The following NLGN1 variants were observed in gnomAD, a reference collection of about 807,000 sequenced individuals.
The protein encoded by NLGN1 is neuroligin-1.
Under a neutral mutation model 65.5 loss-of-function variants are expected in NLGN1, and 12 were observed. The observed-to-expected ratio is 0.18, with a 90% CI of 0.12 to 0.30. The LOEUF is 0.30. Ranked by LOEUF, NLGN1 falls within the 10% of genes least tolerant of loss-of-function variation. The pLI, the probability that NLGN1 is intolerant of heterozygous loss-of-function variation, is 1.00. For missense variants in NLGN1, 750 were observed against 1,007.1 expected (o/e 0.74, Z 3.46); for synonymous variants, 350 against 359.5 (o/e 0.97, Z 0.30).
chr3:173,545,384 T>G (rs1216587932), intron 2 of NLGN1, among the ~76,000 whole-genome samples: 1 of 151,906 alleles, frequency 6.6e-6, no homozygotes, highest in South Asian at 2.1e-4. Context: ...CTCGGTAAAG[T>G]TTTTATTATC....
At chr3:174,265,783 G>A (rs2861728) in intron 4 of NLGN1, among the ~76,000 whole-genome samples, 36,800 of 126,930 alleles carry the variant, frequency 0.29, 5,230 homozygotes, top group Middle Eastern at 0.34. Context: ...ATATATATAT[G>A]TATATATATA....
intron 4 of NLGN1, among the ~76,000 whole-genome samples, chr3:174,073,287 A>G (rs1355056336): frequency 1.3e-5 from 2 of 152,114 alleles, no homozygotes; most frequent in East Asian, 1.9e-4. Flanking sequence ...TTTGTGTACA[A>G]CTTCTACAAG....
intron 4 of NLGN1, among the ~76,000 whole-genome samples, chr3:174,121,895 T>TA (rs1192720992): frequency 6.6e-6 from 1 of 152,200 alleles, no homozygotes; most frequent in Admixed American, 6.5e-5. Context: ...AGCATATAAA[T>TA]ATGAGAAACT....
At chr3:173,807,395 A>G (rs1051516447) in intron 3 of NLGN1, among the ~76,000 whole-genome samples, 3 of 152,152 alleles carry the variant, frequency 2.0e-5, no homozygotes, top group Admixed American at 6.6e-5. Flanking sequence ...CACTTGAGGA[A>G]TTAATCAAAA....
intron 4 of NLGN1, among the ~76,000 whole-genome samples, chr3:174,167,127 T>C (rs551082155): frequency 1.4e-4 from 21 of 152,096 alleles, no homozygotes; most frequent in African/African-American, 4.8e-4. Context: ...AGTCTTGTTA[T>C]TTTATCCAAC....
chr3:174,191,244 T>A (rs1254438180), intron 4 of NLGN1, among the ~76,000 whole-genome samples: 1 of 152,080 alleles, frequency 6.6e-6, no homozygotes, highest in Non-Finnish European at 1.5e-5. Flanking sequence ...TGTGTAGTGA[T>A]CTCCCTAACA....
chr3:174,041,238 T>A (rs780821364), intron 4 of NLGN1, among the ~76,000 whole-genome samples: 3 of 152,158 alleles, frequency 2.0e-5, no homozygotes, highest in Non-Finnish European at 4.4e-5. Flanking sequence ...AATTAAATAG[T>A]GTGCACTTCT....
At chr3:173,988,541 A>G (rs1234793103) in intron 4 of NLGN1, among the ~76,000 whole-genome samples, 1 of 152,170 alleles carries the variant, frequency 6.6e-6, no homozygotes, top group Non-Finnish European at 1.5e-5. Context: ...AACAGGAAGA[A>G]TAGGGTGGCA....
At chr3:174,006,176 C>T (rs2152433980) in intron 4 of NLGN1, among the ~76,000 whole-genome samples, 1 of 152,258 alleles carries the variant, frequency 6.6e-6, no homozygotes. Flanking sequence ...TGTAAAAACT[C>T]CCTTCTCCAA....
intron 3 of NLGN1, among the ~76,000 whole-genome samples, chr3:173,762,963 G>GAT (rs1553841335): frequency 2.1e-4 from 12 of 57,388 alleles, no homozygotes; most frequent in Admixed American, 6.7e-4. Context: ...ATTTGTCTCT[G>GAT]ATACACACAC....
At chr3:173,833,789 C>T (rs988983809) in intron 4 of NLGN1, among the ~76,000 whole-genome samples, 4 of 152,188 alleles carry the variant, frequency 2.6e-5, no homozygotes, top group African/African-American at 9.7e-5. Flanking sequence ...GCATGAGCCA[C>T]CGCACCTGGC....
At chr3:173,744,744 C>G (rs1775114986) in intron 3 of NLGN1, among the ~76,000 whole-genome samples, 4 of 152,044 alleles carry the variant, frequency 2.6e-5, no homozygotes, top group African/African-American at 7.2e-5. Flanking sequence ...CCTTATCTTT[C>G]CTTCTCCCTT....
chr3:174,180,997 G>T (rs1379481800), intron 4 of NLGN1: 2 of 152,058 alleles, frequency 1.3e-5, no homozygotes, highest in African/African-American at 4.8e-5. Flanking sequence ...ATGTAAATTT[G>T]ATTTACATCA....
At chr3:173,989,648 G>T (rs914105507) in intron 4 of NLGN1, among the ~76,000 whole-genome samples, 7 of 152,104 alleles carry the variant, frequency 4.6e-5, no homozygotes, top group Non-Finnish European at 5.9e-5. Flanking sequence ...ATTCACAGTG[G>T]CTTAAACTAA....
chr3:173,895,113 G>A (rs1736113147), intron 4 of NLGN1, among the ~76,000 whole-genome samples: 1 of 152,012 alleles, frequency 6.6e-6, no homozygotes, highest in African/African-American at 2.4e-5. Flanking sequence ...TCAGTTTCTT[G>A]TAGTTGTACT....
intron 4 of NLGN1, among the ~76,000 whole-genome samples, chr3:174,238,607 A>G (rs1742188916): frequency 6.6e-5 from 10 of 152,000 alleles, no homozygotes; most frequent in Admixed American, 6.6e-4. Context: ...TGATCCGCCC[A>G]CCTTGGCCTC....
chr3:174,146,570 CTTT>C (rs879300938), intron 4 of NLGN1, among the ~76,000 whole-genome samples: 2 of 140,758 alleles, frequency 1.4e-5, no homozygotes, highest in African/African-American at 2.6e-5. Context: ...TGACATGAAT[CTTT>C]TTTTTTTTTT....
chr3:174,192,029 C>G (rs1561255416), intron 4 of NLGN1, among the ~76,000 whole-genome samples: 1 of 152,078 alleles, frequency 6.6e-6, no homozygotes, highest in Non-Finnish European at 1.5e-5. Flanking sequence ...ATGAATGTGA[C>G]TTATGCAAAG....
Position 173,685,508 on chromosome 3 carries a change from A to G in NLGN1, c.493+80417A>G, listed in dbSNP as rs1764554684. 13 of 258,434 alleles carry G rather than the reference A, an allele frequency of 5.0e-5. No individual in the cohort carries two copies. The Admixed American group carries it at 8.4e-4, about 17-fold the overall frequency. 16.0% of individuals were successfully genotyped at this position (258,434 alleles called of 1,614,324 possible). A position where few individuals can be genotyped will look rare whatever the true frequency, so the allele number is the denominator to read the frequency against. The stretch of plus-strand genomic sequence containing the variant: ...GGGTGATTTTCGAGGCCTTAAGTTA[A>G]TAGTTACCACTGTTGTACCTCAGCC... On this transcript the variant is annotated intron_variant, in intron 3 of 6. Transcript: ENST00000457714.
Sources: gnomAD v4.1 joint callset for allele counts (sites outside exome capture counted in the v4.1 genomes callset) on GRCh38, gnomAD v4.1.1 for gene constraint, MANE v1.5 for transcripts, NCBI Gene and HGNC (gene_info 2026-07-23, HGNC 2026-07-21) for gene names.